The following MNAT1 variants were observed in gnomAD, a reference collection of about 807,000 sequenced individuals.
The protein encoded by MNAT1 is MNAT1 component of CDK activating kinase.
MNAT1 carries 43 observed loss-of-function variants against 42.0 expected under a neutral mutation model. The observed-to-expected ratio is 1.02, with a 90% CI of 0.80 to 1.32. The LOEUF (loss-of-function observed/expected upper bound fraction) is 1.32. MNAT1 is among the 40% of genes most tolerant of loss of function. MNAT1 has a pLI of 0.00. For synonymous variants in MNAT1, 118 were observed against 120.0 expected, an observed-to-expected ratio of 0.98 and a Z score of 0.11; for missense variants, 306 against 350.4, an observed-to-expected ratio of 0.87 and a Z score of 1.01.
intron 7 of MNAT1, among the ~76,000 whole-genome samples, chr14:60,918,198 CTTTT>C (rs386381525): frequency 1.9e-4 from 9 of 48,620 alleles, no homozygotes; most frequent in South Asian, 3.0e-3. Flanking sequence ...ATTAATTGTT[CTTTT>C]TTTTTTTTTT....
intron 1 of MNAT1, among the ~76,000 whole-genome samples, chr14:60,745,939 C>T (rs1045199516): frequency 1.3e-5 from 2 of 152,140 alleles, no homozygotes; most frequent in Non-Finnish European, 2.9e-5. Context: ...CTCCTGTCTT[C>T]TGACTGGTAA....
Position 60,901,962 on chromosome 14 carries a change from T to G in MNAT1, c.809+22127T>G, listed in dbSNP as rs575202517. On this transcript the variant is annotated intron_variant, in intron 7 of 7. Coordinates refer to ENST00000261245, the MANE Select transcript of MNAT1 (RefSeq NM_002431.4). ...TAGGGTTTGAGAGGATTGCCTCTAA[T>G]TTTTAAAGAAGTTCTGCTGTAAGTA... Among the ~76,000 whole-genome samples the G allele has an allele frequency of 7.2e-5, 11 of 152,348 alleles. 1 individual carries two copies. Among genetic ancestry groups the G allele is most frequent in the African/African-American group, 2.6e-4 (11 of 41,584 alleles).
intron 3 of MNAT1, chr14:60,799,122 G>A: frequency 9.5e-6 from 4 of 419,498 alleles, no homozygotes; most frequent in Non-Finnish European, 1.3e-5. Flanking sequence ...TTTCTCATAT[G>A]TCTAAGTTCA....
At chr14:60,815,223 CTT>C (rs1038102057) in intron 5 of MNAT1, among the ~76,000 whole-genome samples, 1 of 145,834 alleles carries the variant, frequency 6.9e-6, no homozygotes. Flanking sequence ...TTCTTTTTCC[CTT>C]TTTTTTTTTG....
At chr14:60,784,105 TG>T in intron 1 of MNAT1, among the ~76,000 whole-genome samples, 1 of 149,338 alleles carries the variant, frequency 6.7e-6, no homozygotes, top group East Asian at 2.1e-4. Flanking sequence ...CTCCGCCTCC[TG>T]GGTTCAAGCC....
chr14:60,787,116 C>A (rs539992938), intron 1 of MNAT1, among the ~76,000 whole-genome samples: 1 of 152,134 alleles, frequency 6.6e-6, no homozygotes, highest in East Asian at 1.9e-4. Flanking sequence ...TGGTGCTTTC[C>A]CTTATTACTC....
intron 3 of MNAT1, among the ~76,000 whole-genome samples, chr14:60,806,151 T>A (rs1371238411): frequency 6.6e-6 from 1 of 152,098 alleles, no homozygotes; most frequent in African/African-American, 2.4e-5. Context: ...TTCTAATAGG[T>A]CAGACAAGAT....
intron 7 of MNAT1, among the ~76,000 whole-genome samples, chr14:60,930,528 T>C (rs2035863972): frequency 6.6e-6 from 1 of 152,176 alleles, no homozygotes; most frequent in Admixed American, 6.5e-5. Flanking sequence ...CAATTAGCCA[T>C]AATTCCTCTT....
chr14:60,834,089 C>T (rs2033304097), intron 6 of MNAT1, among the ~76,000 whole-genome samples: 1 of 152,070 alleles, frequency 6.6e-6, no homozygotes, highest in African/African-American at 2.4e-5. Flanking sequence ...GGATAATGGT[C>T]TATCTTTTTC....
chr14:60,921,471 C>A (rs1478814985), intron 7 of MNAT1, among the ~76,000 whole-genome samples: 1 of 151,986 alleles, frequency 6.6e-6, no homozygotes, highest in Admixed American at 6.5e-5. Context: ...GGTCTCTGTT[C>A]TTAGGAAATA....
intron 7 of MNAT1, among the ~76,000 whole-genome samples, chr14:60,913,307 G>C (rs763728821): frequency 9.9e-5 from 15 of 152,040 alleles, no homozygotes; most frequent in Non-Finnish European, 1.9e-4. Flanking sequence ...TTGATCTTCT[G>C]AAGCCTTCCT....
chr14:60,929,154 A>C (rs2035827412), intron 7 of MNAT1, among the ~76,000 whole-genome samples: 2 of 13,016 alleles, frequency 1.5e-4, no homozygotes, highest in South Asian at 3.4e-3. Context: ...CTCCCAAAAA[A>C]AAAAAAAAAA....
In MNAT1 at chr14:60,838,500, C is replaced by T. The variant is rs4151247; in HGVS notation, c.687+19653C>T. On this transcript the variant is annotated intron_variant, in intron 6 of 7. Transcript: ENST00000261245. ...TTTGGTTTTTATTATTTCTTTTCTT[C>T]TCTTTAATTAAGATTTAATTTGCTT... is the stretch of plus-strand genomic sequence containing the variant. Among the ~76,000 whole-genome samples the T allele has an allele frequency of 5.1e-3, 780 of 152,152 alleles. 14 individuals are homozygous for T. Among genetic ancestry groups the T allele is most frequent in the African/African-American group, 0.018 (731 of 41,486 alleles).
At chr14:60,908,735 G>T (rs1390255858) in intron 7 of MNAT1, among the ~76,000 whole-genome samples, 1 of 152,154 alleles carries the variant, frequency 6.6e-6, no homozygotes, top group Non-Finnish European at 1.5e-5. Flanking sequence ...TTGGACATTT[G>T]GCTTAGTTCC....
At chr14:60,879,655 ATAAG>A in intron 6 of MNAT1, 55 bp from the exon 7 acceptor site, 1 of 1,475,060 alleles carries the variant, frequency 6.8e-7, no homozygotes, top group Non-Finnish European at 9.3e-7. Flanking sequence ...ATGATTATAA[ATAAG>A]TAGCAATATG....
chr14:60,925,422 A>G (rs1186824439), intron 7 of MNAT1, among the ~76,000 whole-genome samples: 1 of 152,132 alleles, frequency 6.6e-6, no homozygotes, highest in Non-Finnish European at 1.5e-5. Flanking sequence ...AAACAAAAAC[A>G]CAATGGGATG....
intron 6 of MNAT1, among the ~76,000 whole-genome samples, chr14:60,826,088 A>G (rs927008685): frequency 2.0e-5 from 3 of 152,146 alleles, no homozygotes; most frequent in African/African-American, 7.2e-5. Context: ...ATTATTATAT[A>G]TTCACATAGG....
In MNAT1 at chr14:60,783,598, G is replaced by A. The variant is rs999865773; in HGVS notation, c.90-12619G>A. On this transcript the variant is annotated intron_variant, in intron 1 of 7. Coordinates refer to ENST00000261245, the MANE Select transcript of MNAT1 (RefSeq NM_002431.4). ...TGCAAGCTCTGCCTCCCAGGTTCAC[G>A]CCATTCTCCTGCCTCAGGCTCCCGA... Among the ~76,000 whole-genome samples, 7 of 152,128 alleles carry A rather than the reference G, an allele frequency of 4.6e-5. No homozygotes were observed. The South Asian group carries it at 1.0e-3, about 23-fold the overall frequency.
Position 60,811,522 on chromosome 14 carries a change from T to C in MNAT1, c.421-465T>C, listed in dbSNP as rs573164879. 3.3e-5 allele frequency among the ~76,000 whole-genome samples: 5 copies of C among 152,178 alleles called. No homozygotes were observed. The South Asian group carries it at 1.0e-3, about 32-fold the overall frequency. On this transcript the variant is annotated intron_variant, in intron 4 of 7. Coordinates refer to ENST00000261245, the MANE Select transcript of MNAT1 (RefSeq NM_002431.4). ...TTTCACCATGTTGGCCAAGCTGGTC[T>C]CGAACTCCTGACCTTGTGATCCACC...
Sources: allele counts gnomAD v4.1 joint callset (sites outside exome capture counted in the v4.1 genomes callset), GRCh38; gene constraint gnomAD v4.1.1; transcripts MANE v1.5; gene names NCBI Gene and HGNC (gene_info 2026-07-23, HGNC 2026-07-21).